FAM184B: variants seen among roughly 807,000 people sequenced by gnomAD.
FAM184B encodes the protein protein FAM184B.
A neutral mutation model predicts 135.9 loss-of-function variants in FAM184B; 111 were observed. The observed-to-expected ratio is 0.82, with a 90% CI of 0.70 to 0.96. The LOEUF is 0.96. FAM184B is among the 40% of genes least tolerant of loss of function. FAM184B has a pLI of 0.00. For synonymous variants in FAM184B, 552 were observed against 524.8 expected, an observed-to-expected ratio of 1.05 and a Z score of -0.71; for missense variants, 1,375 against 1,323.9, an observed-to-expected ratio of 1.04 and a Z score of -0.60.
At chr4:17,660,844 A>G (rs2108942544) in intron 8 of FAM184B, among the ~76,000 whole-genome samples, 1 of 152,182 alleles carries the variant, frequency 6.6e-6, no homozygotes, top group South Asian at 2.1e-4. Flanking sequence ...GATGAGCAGC[A>G]TCTTCTTCCC....
At chr4:17,639,210 C>T in intron 14 of FAM184B, 40 bp downstream of exon 14, 3 of 1,546,316 alleles carry the variant, frequency 1.9e-6, no homozygotes, top group Non-Finnish European at 2.6e-6. Flanking sequence ...CTGAATGGTA[C>T]ATTTGCAAGA....
intron 1 of FAM184B, among the ~76,000 whole-genome samples, chr4:17,730,965 T>C (rs2108977754): frequency 6.6e-6 from 1 of 152,188 alleles, no homozygotes; most frequent in African/African-American, 2.4e-5. Context: ...GCCAATGTGA[T>C]CAACTGGAAG....
At chr4:17,748,976 GC>G (rs1373785117) in intron 1 of FAM184B, among the ~76,000 whole-genome samples, 2 of 148,852 alleles carry the variant, frequency 1.3e-5, no homozygotes, top group Non-Finnish European at 3.0e-5. Flanking sequence ...ACAGGTGCTT[GC>G]CAGCACACCC....
At chr4:17,693,739 GC>G (rs746916997) in intron 5 of FAM184B, among the ~76,000 whole-genome samples, 1 of 152,116 alleles carries the variant, frequency 6.6e-6, no homozygotes, top group Non-Finnish European at 1.5e-5. Context: ...AAGTAAAAAA[GC>G]CAACTACATT....
intron 1 of FAM184B, among the ~76,000 whole-genome samples, chr4:17,717,719 T>A (rs1156498941): frequency 6.6e-6 from 1 of 151,970 alleles, no homozygotes; most frequent in East Asian, 1.9e-4. Context: ...CTCTAATTAA[T>A]GGCTTTTAAG....
intron 1 of FAM184B, among the ~76,000 whole-genome samples, chr4:17,760,469 CAA>C (rs371782077): frequency 0.01 from 1,186 of 115,966 alleles, 21 homozygotes; most frequent in African/African-American, 0.034. Context: ...GACTCCATCT[CAA>C]AAAAAAAAAA....
intron 6 of FAM184B, among the ~76,000 whole-genome samples, chr4:17,691,988 G>T (rs1716746914): frequency 6.6e-6 from 1 of 152,078 alleles, no homozygotes. Flanking sequence ...GGGAGGCGGA[G>T]GTTGCAGTGA....
chr4:17,638,145 T>A (rs1235981758), intron 14 of FAM184B, among the ~76,000 whole-genome samples: 35 of 26,666 alleles, frequency 1.3e-3, no homozygotes, highest in Non-Finnish European at 2.7e-3. Context: ...TTTTTTTTTT[T>A]TTTTTTTTTT....
intron 6 of FAM184B, among the ~76,000 whole-genome samples, chr4:17,688,907 G>C (rs1716658486): frequency 6.6e-6 from 1 of 151,968 alleles, no homozygotes; most frequent in African/African-American, 2.4e-5. Context: ...TGCCCAGCCT[G>C]GTCTCAAACT....
intron 1 of FAM184B, among the ~76,000 whole-genome samples, chr4:17,734,403 A>C (rs1044308575): frequency 2.6e-5 from 4 of 152,072 alleles, no homozygotes; most frequent in Non-Finnish European, 5.9e-5. Context: ...CAACCTACAA[A>C]ATGGGAGAAA....
chr4:17,654,632 A>G (rs981843098), intron 10 of FAM184B, among the ~76,000 whole-genome samples: 2 of 152,200 alleles, frequency 1.3e-5, no homozygotes, highest in Non-Finnish European at 2.9e-5. Flanking sequence ...TCACTCATGC[A>G]GTGGGCATTT....
intron 11 of FAM184B, among the ~76,000 whole-genome samples, chr4:17,650,518 C>A (rs750655240): frequency 6.6e-6 from 1 of 152,148 alleles, no homozygotes; most frequent in Non-Finnish European, 1.5e-5. Flanking sequence ...AATGGGGCTG[C>A]TGTGGAGTCA....
intron 1 of FAM184B, 89 bp from the exon 2 acceptor site, chr4:17,709,733 G>C (rs768613114): frequency 6.1e-5 from 75 of 1,222,822 alleles, no homozygotes; most frequent in Non-Finnish European, 7.2e-5. Flanking sequence ...CCTGCATGGC[G>C]GTTGATCTGC....
intron 11 of FAM184B, among the ~76,000 whole-genome samples, chr4:17,648,309 G>A (rs758528571): frequency 1.3e-5 from 2 of 152,012 alleles, no homozygotes; most frequent in Non-Finnish European, 2.9e-5. Flanking sequence ...TTCTGGGGGC[G>A]ATGGTCTCAA....
intron 1 of FAM184B, among the ~76,000 whole-genome samples, chr4:17,721,464 G>A: frequency 6.7e-6 from 1 of 149,068 alleles, no homozygotes; most frequent in Non-Finnish European, 1.5e-5. Context: ...GTTGGGTTTG[G>A]AAAGGTGAGC....
At chr4:17,684,435 T>C (rs1716530997) in intron 7 of FAM184B, among the ~76,000 whole-genome samples, 1 of 152,134 alleles carries the variant, frequency 6.6e-6, no homozygotes, top group Admixed American at 6.5e-5. Context: ...TTCTGTACCA[T>C]ATATGTGGAT....
In FAM184B at chr4:17,728,333, G is replaced by A. The variant is rs537887064; in HGVS notation, c.142-18689C>T. Among the ~76,000 whole-genome samples, 12 of 152,212 alleles carry A rather than the reference G, an allele frequency of 7.9e-5. No individual in the cohort carries two copies. In the South Asian group the frequency reaches 2.5e-3, roughly 32 times the overall value. On this transcript the variant is annotated intron_variant, in intron 1 of 17. Coordinates refer to ENST00000265018, the MANE Select transcript of FAM184B (RefSeq NM_015688.2). ...GCCTAGGAGGTTGAGGCTGCAGTGAGCTATGATCATGCCAGTGCACTCCAG... is the reference window on the plus strand; with the variant it reads ...GCCTAGGAGGTTGAGGCTGCAGTGAACTATGATCATGCCAGTGCACTCCAG...
At chr4:17,735,196 G>T (rs1306875531) in intron 1 of FAM184B, among the ~76,000 whole-genome samples, 1 of 151,806 alleles carries the variant, frequency 6.6e-6, no homozygotes, top group Non-Finnish European at 1.5e-5. Flanking sequence ...TGGGGGGATG[G>T]GGGAGGGATA....
intron 1 of FAM184B, among the ~76,000 whole-genome samples, chr4:17,765,863 C>T (rs1042573301): frequency 1.3e-5 from 2 of 152,034 alleles, no homozygotes; most frequent in Non-Finnish European, 2.9e-5. Flanking sequence ...CTGGAGAGTT[C>T]GGGGTCTCCC....
Sources: gnomAD v4.1 joint callset for allele counts (sites outside exome capture counted in the v4.1 genomes callset) on GRCh38, gnomAD v4.1.1 for gene constraint, MANE v1.5 for transcripts, NCBI Gene and HGNC (gene_info 2026-07-23, HGNC 2026-07-21) for gene names.